HSH2D: variants seen among roughly 807,000 people sequenced by gnomAD.
HSH2D encodes hematopoietic SH2 domain containing.
In HSH2D, 16 loss-of-function variants were observed where a neutral mutation model predicts 21.5. The observed-to-expected ratio is 0.74, with a 90% CI of 0.50 to 1.13. The LOEUF is 1.13. Among genes scored for constraint, HSH2D ranks in the 50% most tolerant of loss-of-function variants. The pLI, the probability that HSH2D is intolerant of heterozygous loss-of-function variation, is 0.00. For synonymous variants in HSH2D, 172 were observed against 184.7 expected (o/e 0.93, Z 0.56); for missense variants, 418 against 441.4 (o/e 0.95, Z 0.47).
rs1481125688 is a variant in HSH2D, at chr19:16,153,220, G to A, written c.381+12G>A. The A allele has an allele frequency of 6.6e-7, 1 of 1,506,314 alleles. No homozygotes were observed. The highest frequency in any genetic ancestry group is 8.9e-7 in the Non-Finnish European group (1 of 1,129,934). The allele number at this position is 1,506,314 out of a possible 1,614,324, so 93.3% of individuals were successfully genotyped here. Reference sequence around the variant, plus strand: ...AGCCCTGCAGGCAGGTGAGGGCGGGGACCCACAAGGTTCACAGCCATTTCC... The same window carrying A: ...AGCCCTGCAGGCAGGTGAGGGCGGGAACCCACAAGGTTCACAGCCATTTCC... On this transcript the variant is annotated intron_variant, in intron 4 of 5. Transcript: ENST00000613986.
At chr19:16,146,967 A>T (rs1476331991) in intron 1 of HSH2D, among the ~76,000 whole-genome samples, 1 of 151,644 alleles carries the variant, frequency 6.6e-6, no homozygotes, top group East Asian at 2.0e-4. Flanking sequence ...CTGGGATTAC[A>T]GGCACCCACC....
intron 1 of HSH2D, among the ~76,000 whole-genome samples, chr19:16,145,813 C>T (rs572463711): frequency 3.9e-5 from 6 of 152,226 alleles, no homozygotes; most frequent in South Asian, 2.1e-4. Context: ...CAGTGGCTCA[C>T]GCCTGTAATC....
intron 3 of HSH2D, 110 bp downstream of exon 3, chr19:16,152,751 G>C (rs1268433992): frequency 1.1e-6 from 1 of 869,614 alleles, no homozygotes; most frequent in East Asian, 2.6e-5. Flanking sequence ...CAGTAACTGA[G>C]GCTGTGGATC....
At chr19:16,149,173 A>G (rs2091113670) in intron 2 of HSH2D, among the ~76,000 whole-genome samples, 1 of 152,062 alleles carries the variant, frequency 6.6e-6, no homozygotes. Context: ...AGCATTACCA[A>G]TCAACGATGG....
chr19:16,154,278 CG>C, intron 4 of HSH2D, 120 bp from the exon 5 acceptor site: 1 of 594,516 alleles, frequency 1.7e-6, no homozygotes, highest in Non-Finnish European at 3.0e-6. Flanking sequence ...GCTTAGTGGG[CG>C]TGGCCTAGGT....
upstream of HSH2D, among the ~76,000 whole-genome samples, chr19:16,142,451 T>G (rs79492589): frequency 0.01 from 1,589 of 152,264 alleles, 23 homozygotes; most frequent in African/African-American, 0.034. Flanking sequence ...TGTTTTGTTT[T>G]GTTTGGTTTT....
Position 16,148,739 on chromosome 19 carries a change from C to T in HSH2D, c.-12C>T, listed in dbSNP as rs777356766. 5.0e-6 allele frequency: 8 copies of T among 1,613,984 alleles called. No homozygotes were observed. In the East Asian group the frequency reaches 8.9e-5, roughly 18 times the overall value. On this transcript the variant is annotated 5_prime_UTR_variant, in exon 2 of 6. Transcript: ENST00000613986. The stretch of plus-strand genomic sequence containing the variant: ...CTCTACCCAGGTGACCTTCCCTCCA[C>T]CCCAGGAAGCTATGACAGAGGCCGG...
In HSH2D at chr19:16,154,382, C is replaced by T; in HGVS notation, c.382-17C>T. On this transcript the variant is annotated splice_polypyrimidine_tract_variant and intron_variant, in intron 4 of 5. Transcript: ENST00000613986. ...CCCCTCCCTAGTGCTGAGCTACAGG[C>T]CCCTTCCGCCCTGCAGAAGGATCCC... 6.6e-7 allele frequency: 1 copy of T among 1,526,392 alleles called. No individual in the cohort carries two copies. The highest frequency in any genetic ancestry group is 8.9e-7 in the Non-Finnish European group (1 of 1,125,948). The allele number at this position is 1,526,392 out of a possible 1,614,324, so 94.6% of individuals were successfully genotyped here.
chr19:16,139,188 C>T (rs1182131574), upstream of HSH2D, among the ~76,000 whole-genome samples: 2 of 152,260 alleles, frequency 1.3e-5, no homozygotes, highest in East Asian at 3.8e-4. Flanking sequence ...TCTGCAGCAT[C>T]TAGCATGGTG....
intron 5 of HSH2D, chr19:16,155,707 G>A (rs58172021): frequency 0.029 from 4,337 of 147,840 alleles, 211 homozygotes; most frequent in African/African-American, 0.1. Flanking sequence ...TGCAACCTCC[G>A]CCTCCCAGGT....
At chr19:16,151,040 T>C (rs533878310) in intron 2 of HSH2D, among the ~76,000 whole-genome samples, 5 of 151,762 alleles carry the variant, frequency 3.3e-5, no homozygotes, top group African/African-American at 4.8e-5. Flanking sequence ...ATATAGAAAA[T>C]AGACTGATTT....
At chr19:16,149,943 T>C (rs1470708912) in intron 2 of HSH2D, among the ~76,000 whole-genome samples, 2 of 152,084 alleles carry the variant, frequency 1.3e-5, no homozygotes, top group South Asian at 2.1e-4. Flanking sequence ...TCTAACTAAA[T>C]GGAGGAAAAA....
At chr19:16,146,829 C>CTT (rs112913701) in intron 1 of HSH2D, among the ~76,000 whole-genome samples, 27 of 143,668 alleles carry the variant, frequency 1.9e-4, no homozygotes, top group African/African-American at 3.3e-4. Flanking sequence ...ATACTCTACT[C>CTT]TTTTTTTTTT....
intron 1 of HSH2D, among the ~76,000 whole-genome samples, chr19:16,146,075 CAAA>C (rs796457464): frequency 8.4e-5 from 5 of 59,874 alleles, no homozygotes; most frequent in Non-Finnish European, 7.9e-5. Flanking sequence ...GATTCCATCT[CAAA>C]AAAAAAAAAA....
exon 1 of HSH2D, chr19:16,134,034 C>T (rs1487137614): frequency 6.6e-6 from 1 of 152,338 alleles, no homozygotes; most frequent in African/African-American, 2.4e-5. Context: ...CAGGGTCCTT[C>T]CCAAGACCAC....
In HSH2D at chr19:16,157,367, C is replaced by T. The variant is rs770937633; in HGVS notation, c.632C>T (p.Pro211Leu). Residue 211 changes from proline to leucine, a missense_variant, in exon 6 of 6, where the codon CCC becomes CTC. By Grantham distance (98) the Pro-to-Leu change is moderately conservative. Coordinates refer to ENST00000613986, the MANE Select transcript of HSH2D (RefSeq NM_001382417.1). The surrounding 1 kb of genome is among the most constrained non-coding windows in gnomAD (Gnocchi z 4.4). ...QKLWRSLKML[P>L]ERGQRVRQQL... ...CTCTGGAGGAGCCTCAAAATGCTCC[C>T]CGAGAGAGGCCAGAGGGTCCGGCAG... The T allele has an allele frequency of 2.5e-5, 41 of 1,613,792 alleles. No homozygotes were observed. Among genetic ancestry groups the T allele is most frequent in the Non-Finnish European group, 3.5e-5 (41 of 1,179,870 alleles).
chr19:16,152,040 G>A (rs2091162113), intron 2 of HSH2D, among the ~76,000 whole-genome samples: 1 of 147,542 alleles, frequency 6.8e-6, no homozygotes, highest in South Asian at 2.1e-4. Flanking sequence ...CCAGGAGGTT[G>A]AGGCTGCAGT....
rs535035944 is a variant in HSH2D at position 16,158,132 on chromosome 19, A to G, written c.*338A>G. On this transcript the variant is annotated 3_prime_UTR_variant, in exon 6 of 6. Transcript: ENST00000613986. Reference sequence around the variant, plus strand: ...AAGAAGAGACTGAGGTTCAGAGAGGATAAGAGGCGTGACCAAGGCCACAGA... The same window carrying G: ...AAGAAGAGACTGAGGTTCAGAGAGGGTAAGAGGCGTGACCAAGGCCACAGA... The G allele has an allele frequency of 2.2e-5, 5 of 228,066 alleles. No homozygotes were observed. Among genetic ancestry groups the G allele is most frequent in the Non-Finnish European group, 4.3e-5 (5 of 117,428 alleles). The allele number at this position is 228,066 out of a possible 1,614,324, so 14.1% of individuals were successfully genotyped here.
chr19:16,139,192 C>T (rs1415462735), upstream of HSH2D, among the ~76,000 whole-genome samples: 1 of 152,240 alleles, frequency 6.6e-6, no homozygotes, highest in Non-Finnish European at 1.5e-5. Flanking sequence ...CAGCATCTAG[C>T]ATGGTGCCCA....
Sources: gnomAD v4.1 joint callset for allele counts (sites outside exome capture counted in the v4.1 genomes callset) on GRCh38, gnomAD v4.1.1 for gene constraint, Gnocchi (gnomAD v3.1) non-coding constraint, MANE v1.5 for transcripts, NCBI Gene and HGNC (gene_info 2026-07-23, HGNC 2026-07-21) for gene names.